Variants in ZNF410 observed in about 807,000 individuals in gnomAD.
The protein encoded by ZNF410 is zinc finger protein 410.
A neutral mutation model predicts 54.8 loss-of-function variants in ZNF410; 18 were observed. The ratio of observed to expected loss-of-function variants is 0.33; its 90% confidence interval spans 0.23 to 0.49. The LOEUF is 0.49. Ranked by LOEUF, ZNF410 falls within the 20% of genes least tolerant of loss-of-function variation. The probability of loss-of-function intolerance (pLI) is 0.99; values close to 1 mark genes in which losing one functional copy is unlikely to be tolerated. For synonymous variants in ZNF410, 191 were observed against 207.3 expected (o/e 0.92, Z 0.68); for missense variants, 405 against 569.6 (o/e 0.71, Z 2.94).
intron 7 of ZNF410, among the ~76,000 whole-genome samples, chr14:73,908,844 G>GTTTGT (rs1555353611): frequency 6.6e-6 from 1 of 151,904 alleles, no homozygotes; most frequent in Non-Finnish European, 1.5e-5. Flanking sequence ...TTGTTTGTTT[G>GTTTGT]TTTTTTTGTT....
chr14:73,923,591 C>T (rs2055786607), intron 11 of ZNF410, 69 bp downstream of exon 11: 1 of 1,531,806 alleles, frequency 6.5e-7, no homozygotes, highest in Non-Finnish European at 8.8e-7. Flanking sequence ...TTTAGAGGAC[C>T]TGAAAAAGTC....
intron 1 of ZNF410, among the ~76,000 whole-genome samples, chr14:73,888,735 C>G (rs370760869): frequency 3.9e-5 from 6 of 152,276 alleles, no homozygotes; most frequent in African/African-American, 1.4e-4. Flanking sequence ...TGCCGTTACA[C>G]CTATAGCTAA....
At chr14:73,923,208 TTC>T (rs2055779796) in intron 10 of ZNF410, among the ~76,000 whole-genome samples, 185 bp from the exon 11 acceptor site, 1 of 152,234 alleles carries the variant, frequency 6.6e-6, no homozygotes, top group African/African-American at 2.4e-5. Context: ...TGCCTTTCTA[TTC>T]TCTTTTTATA....
intron 2 of ZNF410, chr14:73,893,194 G>C (rs1166376384): frequency 6.6e-6 from 1 of 152,084 alleles, no homozygotes; most frequent in Non-Finnish European, 1.5e-5. Context: ...TTTTTTTTAA[G>C]CCATTATTTT....
chr14:73,894,762 G>C (rs1452413140), intron 3 of ZNF410, among the ~76,000 whole-genome samples: 1 of 152,048 alleles, frequency 6.6e-6, no homozygotes, highest in Non-Finnish European at 1.5e-5. Context: ...CTCCTGGTAC[G>C]AGAAGGAAAA....
chr14:73,904,943 A>G lies in ZNF410; in HGVS notation c.773A>G (p.Lys258Arg), dbSNP rs1452369653. Residue 258 changes from lysine (K) to arginine (R), a missense_variant, in exon 7 of 12, where the codon AAA (lysine) becomes AGA (arginine). Coordinates refer to ENST00000555044, the MANE Select transcript of ZNF410 (RefSeq NM_021188.3). ...ATCTGTCCTGCAGAAGGTTGTGGGA[A>G]AAGCTTCTATGTGCTGCAGAGGCTG... Reference protein sequence around the residue: ...SFICPAEGCGKSFYVLQRLKV... With the variant: ...SFICPAEGCGRSFYVLQRLKV... The G allele has an allele frequency of 3.1e-6, 5 of 1,614,218 alleles. No homozygotes were observed. Among genetic ancestry groups the G allele is most frequent in the African/African-American group, 1.3e-5 (1 of 75,060 alleles).
In ZNF410 at chr14:73,932,206, G is replaced by GT. The variant is rs931208466; in HGVS notation, c.*672dup. 1.8e-5 allele frequency: 6 copies of GT among 334,456 alleles called. No homozygotes were observed. The highest frequency in any genetic ancestry group is 1.1e-4 in the African/African-American group (5 of 45,938). 20.7% of individuals were successfully genotyped at this position (334,456 alleles called of 1,614,324 possible). On this transcript the variant is annotated 3_prime_UTR_variant, in exon 12 of 12. Transcript: ENST00000555044. ...ATGTTAAGAGGGATTTCATGTTTTT[G>GT]TTTTTTTAAAGTTAAAAATTACATG...
intron 10 of ZNF410, 164 bp downstream of exon 10, chr14:73,922,370 T>TA: frequency 4.5e-5 from 30 of 671,986 alleles, no homozygotes; most frequent in Non-Finnish European, 5.1e-5. Flanking sequence ...TCAATCTGTT[T>TA]AAAAAAAAAT....
chr14:73,907,614 G>A (rs530750891), intron 7 of ZNF410, among the ~76,000 whole-genome samples: 1 of 151,962 alleles, frequency 6.6e-6, no homozygotes, highest in South Asian at 2.1e-4. Context: ...AATTTTGACT[G>A]GGTGCAATGG....
At position 73,905,970 on chromosome 14, in the gene ZNF410, T is replaced by TACATAC. The variant is rs1350018903; in HGVS notation, c.913+888_913+889insCATACA. 5.3e-4 allele frequency among the ~76,000 whole-genome samples: 12 copies of TACATAC among 22,564 alleles called. No homozygotes were observed. The South Asian group carries it at 7.4e-3, about 14-fold the overall frequency. 14.8% of individuals were successfully genotyped at this position (22,564 alleles called of 152,430 possible). ...ACACACACACACACACACACACACA[T>TACATAC]ATATATATATATATATATATATATA... On this transcript the variant is annotated intron_variant, in intron 7 of 11. Transcript: ENST00000555044.
chr14:73,888,014 G>C (rs1402107841), intron 1 of ZNF410, among the ~76,000 whole-genome samples: 1 of 152,150 alleles, frequency 6.6e-6, no homozygotes, highest in African/African-American at 2.4e-5. Flanking sequence ...TTTAAACGCG[G>C]GGTGACCAGT....
At position 73,919,886 on chromosome 14, in the gene ZNF410, G is replaced by GTTTT. The variant is rs1158550117; in HGVS notation, c.1004-1072_1004-1069dup. 7.2e-3 allele frequency among the ~76,000 whole-genome samples: 445 copies of GTTTT among 62,028 alleles called. 32 individuals carry two copies. The highest frequency in any genetic ancestry group is 0.021 in the African/African-American group (345 of 16,140). The allele number at this position is 62,028 out of a possible 152,430, so 40.7% of individuals were successfully genotyped here. ...ATTCCACCCTGTTTCTATTGTATAG[G>GTTTT]TTTTTTTTTTTTTTTTTTTTTTTTT... On this transcript the variant is annotated intron_variant, in intron 8 of 11. Transcript: ENST00000555044.
intron 8 of ZNF410, among the ~76,000 whole-genome samples, chr14:73,918,870 T>C (rs2055711089): frequency 6.7e-6 from 1 of 150,204 alleles, no homozygotes; most frequent in Admixed American, 6.7e-5. Context: ...GGCTACCTTT[T>C]TGTATTTTTA....
intron 8 of ZNF410, chr14:73,914,238 A>G (rs1013133662): frequency 2.0e-5 from 3 of 152,174 alleles, no homozygotes; most frequent in African/African-American, 7.3e-5. Flanking sequence ...CAGTGGCGCA[A>G]TCTCAGCTCA....
At chr14:73,921,209 G>A (rs1022672736) in intron 9 of ZNF410, 104 bp downstream of exon 9, 20 of 1,497,594 alleles carry the variant, frequency 1.3e-5, no homozygotes, top group African/African-American at 4.1e-5. Flanking sequence ...TCTGTTTTGG[G>A]TAGATAGACC....
intron 1 of ZNF410, chr14:73,888,470 C>T (rs914479421): frequency 1.3e-5 from 2 of 152,078 alleles, no homozygotes; most frequent in African/African-American, 4.8e-5. Context: ...ATAGTAAACA[C>T]ATTAGAAGTG....
chr14:73,893,700 C>A, intron 2 of ZNF410, 97 bp from the exon 3 acceptor site: 1 of 1,357,594 alleles, frequency 7.4e-7, no homozygotes, highest in Non-Finnish European at 9.8e-7. Context: ...ATGGATGAGA[C>A]TAGTGAACAG....
At position 73,920,977 on chromosome 14, in the gene ZNF410, C is replaced by A; in HGVS notation, c.1004-3C>A. The A allele has an allele frequency of 1.2e-6, 2 of 1,613,850 alleles. No homozygotes were observed. Among genetic ancestry groups the A allele is most frequent in the Non-Finnish European group, 1.7e-6 (2 of 1,179,872 alleles). On this transcript the variant is annotated splice_polypyrimidine_tract_variant and splice_region_variant and intron_variant, in intron 8 of 11. Transcript: ENST00000555044. ...TCCTTGTTTAACCTGGTCCCTGTTTCAGGAGAGAAGCCTCATCAGTGCCAA... is the reference window on the plus strand; with the variant it reads ...TCCTTGTTTAACCTGGTCCCTGTTTAAGGAGAGAAGCCTCATCAGTGCCAA...
chr14:73,908,999 G>A (rs1214170867), intron 7 of ZNF410, among the ~76,000 whole-genome samples: 5 of 151,852 alleles, frequency 3.3e-5, no homozygotes, highest in Admixed American at 2.0e-4. Flanking sequence ...TTGATGTAAG[G>A]TAAAAATCCT....
Sources: gnomAD v4.1 joint callset for allele counts (sites outside exome capture counted in the v4.1 genomes callset) on GRCh38, gnomAD v4.1.1 for gene constraint, MANE v1.5 for transcripts, NCBI Gene and HGNC (gene_info 2026-07-23, HGNC 2026-07-21) for gene names.